The following CWC27 variants were observed in gnomAD, a reference collection of about 807,000 sequenced individuals.
The protein encoded by CWC27 is CWC27 spliceosome associated cyclophilin.
In CWC27, 47 loss-of-function variants were observed where a neutral mutation model predicts 63.6. The ratio of observed to expected loss-of-function variants is 0.74; its 90% confidence interval spans 0.58 to 0.94. CWC27 has a LOEUF of 0.94. CWC27 is among the 40% of genes least tolerant of loss of function. The pLI, the probability that CWC27 is intolerant of heterozygous loss-of-function variation, is 0.00. For synonymous variants in CWC27, 175 were observed against 179.8 expected (o/e 0.97, Z 0.22); for missense variants, 495 against 554.3 (o/e 0.89, Z 1.07).
intron 11 of CWC27, among the ~76,000 whole-genome samples, chr5:64,893,448 C>T (rs947079131): frequency 1.7e-4 from 26 of 152,172 alleles, no homozygotes; most frequent in Admixed American, 1.3e-4. Flanking sequence ...TGCATGGTAT[C>T]AGGTTGATTT....
chr5:64,896,317 G>T (rs577693267), intron 11 of CWC27, among the ~76,000 whole-genome samples: 38 of 152,178 alleles, frequency 2.5e-4, no homozygotes, highest in Non-Finnish European at 3.5e-4. Context: ...TATGGCAAAA[G>T]TTAGGTGAGC....
At chr5:64,787,500 C>T (rs1454034893) in intron 6 of CWC27, among the ~76,000 whole-genome samples, 1 of 151,770 alleles carries the variant, frequency 6.6e-6, no homozygotes. Context: ...TGCATGATTG[C>T]ATTATGCAAT....
intron 10 of CWC27, among the ~76,000 whole-genome samples, chr5:64,880,030 G>A (rs946933402): frequency 2.6e-5 from 4 of 151,852 alleles, no homozygotes; most frequent in Non-Finnish European, 4.4e-5. Flanking sequence ...GCTTGGATGC[G>A]TCTTCATTCT....
chr5:65,009,138 A>G (rs764798029), intron 13 of CWC27, among the ~76,000 whole-genome samples: 1 of 152,184 alleles, frequency 6.6e-6, no homozygotes, highest in Non-Finnish European at 1.5e-5. Flanking sequence ...GCATGGGCAG[A>G]TCACATCATG....
chr5:64,990,977 T>C (rs891731312), intron 13 of CWC27, among the ~76,000 whole-genome samples: 1 of 152,168 alleles, frequency 6.6e-6, no homozygotes, highest in Admixed American at 6.5e-5. Context: ...AAATAATGTG[T>C]GAGGTGTGGG....
chr5:64,908,838 A>G (rs546763799), intron 11 of CWC27, among the ~76,000 whole-genome samples: 1 of 152,064 alleles, frequency 6.6e-6, no homozygotes, highest in Non-Finnish European at 1.5e-5. Context: ...TCTTTATCCA[A>G]TTTGCCAGTC....
At chr5:64,906,351 C>G (rs553067685) in intron 11 of CWC27, among the ~76,000 whole-genome samples, 3 of 152,122 alleles carry the variant, frequency 2.0e-5, no homozygotes, top group Admixed American at 6.6e-5. Context: ...GACCTTTTAA[C>G]GATTGCCATT....
chr5:64,994,779 G>A (rs904093145), intron 13 of CWC27, among the ~76,000 whole-genome samples: 7 of 152,148 alleles, frequency 4.6e-5, no homozygotes, highest in Non-Finnish European at 1.0e-4. Flanking sequence ...GAAATTGCTA[G>A]TTTCTCCTTA....
intron 7 of CWC27, among the ~76,000 whole-genome samples, chr5:64,796,405 T>C (rs1161116849): frequency 6.6e-6 from 1 of 152,030 alleles, no homozygotes; most frequent in African/African-American, 2.4e-5. Context: ...AAATTCAAAA[T>C]ACACAGGCTG....
intron 11 of CWC27, among the ~76,000 whole-genome samples, chr5:64,924,956 GACACACACAC>G (rs36083384): frequency 4.8e-5 from 7 of 145,558 alleles, no homozygotes; most frequent in East Asian, 2.0e-4. Flanking sequence ...GTCTTTCTTA[GACACACACAC>G]ACACACACAC....
chr5:64,867,423 G>A (rs746135207), intron 10 of CWC27, among the ~76,000 whole-genome samples: 7 of 151,904 alleles, frequency 4.6e-5, no homozygotes, highest in Non-Finnish European at 8.8e-5. Context: ...CTATTTTATC[G>A]ACACACTTTT....
At chr5:64,959,518 A>G (rs76327299) in intron 11 of CWC27, among the ~76,000 whole-genome samples, 1,699 of 152,270 alleles carry the variant, frequency 0.011, 78 homozygotes, top group Admixed American at 0.073. Context: ...AACCACAATG[A>G]ATGGCTGCAA....
chr5:65,004,071 C>A (rs1749783000), intron 13 of CWC27, among the ~76,000 whole-genome samples: 1 of 152,140 alleles, frequency 6.6e-6, no homozygotes, highest in Admixed American at 6.5e-5. Context: ...TCTTGAATTC[C>A]TGGTCTCAAG....
chr5:64,995,897 T>C (rs2112462063), intron 13 of CWC27, among the ~76,000 whole-genome samples: 1 of 152,338 alleles, frequency 6.6e-6, no homozygotes, highest in Non-Finnish European at 1.5e-5. Flanking sequence ...ACTATAGCTA[T>C]GGAGTCAATA....
chr5:64,946,647 A>G (rs1748597458), intron 11 of CWC27, among the ~76,000 whole-genome samples: 2 of 151,440 alleles, frequency 1.3e-5, no homozygotes, highest in South Asian at 4.1e-4. Context: ...GAATACATCT[A>G]TGTTGAGATG....
At chr5:64,868,863 G>C (rs941677696) in intron 10 of CWC27, among the ~76,000 whole-genome samples, 1 of 151,920 alleles carries the variant, frequency 6.6e-6, no homozygotes, top group Non-Finnish European at 1.5e-5. Flanking sequence ...TTGCCTTGCT[G>C]TTTCTTACCT....
intron 11 of CWC27, among the ~76,000 whole-genome samples, chr5:64,889,351 T>C (rs1747164660): frequency 6.6e-6 from 1 of 152,230 alleles, no homozygotes; most frequent in Non-Finnish European, 1.5e-5. Flanking sequence ...TAAAGTTATA[T>C]GGTAACTGTA....
chr5:64,881,932 G>A (rs12173090), intron 10 of CWC27, among the ~76,000 whole-genome samples: 51,071 of 151,994 alleles, frequency 0.34, 8,912 homozygotes, highest in East Asian at 0.51. Flanking sequence ...CAAATTGAAA[G>A]CTATACAAAG....
chr5:64,964,440 A>G (rs1748976748), intron 11 of CWC27, among the ~76,000 whole-genome samples: 1 of 152,220 alleles, frequency 6.6e-6, no homozygotes, highest in Non-Finnish European at 1.5e-5. Context: ...AAAATCTTAA[A>G]ATTTTAGAAT....
Sources: gnomAD v4.1 joint callset for allele counts (sites outside exome capture counted in the v4.1 genomes callset) on GRCh38, gnomAD v4.1.1 for gene constraint, MANE v1.5 for transcripts, NCBI Gene and HGNC (gene_info 2026-07-23, HGNC 2026-07-21) for gene names.